Variants in ANKRD17 observed in about 807,000 individuals in gnomAD.
ANKRD17 encodes ankyrin repeat domain 17, also known as ankyrin repeat domain-containing protein 17.
In ANKRD17, 19 loss-of-function variants were observed where a neutral mutation model predicts 229.7. The ratio of observed to expected loss-of-function variants is 0.08; its 90% CI spans 0.06 to 0.12. The LOEUF is 0.12. Ranked by LOEUF, ANKRD17 falls within the 10% of genes least tolerant of loss-of-function variation. The pLI is 1.00. For missense variants in ANKRD17, 2,176 were observed against 3,176.8 expected, an observed-to-expected ratio of 0.68 and a Z score of 7.57; for synonymous variants, 1,112 against 1,146.1, an observed-to-expected ratio of 0.97 and a Z score of 0.60.
intron 18 of ANKRD17, 117 bp downstream of exon 18, chr4:73,124,796 G>C: frequency 7.9e-7 from 1 of 1,271,394 alleles, no homozygotes; most frequent in Non-Finnish European, 1.1e-6. Context: ...AATAGTTTCA[G>C]TTATTGTGAG....
At position 73,129,417 on chromosome 4, in the gene ANKRD17, T is replaced by A. The variant is rs1359503471; in HGVS notation, c.3235-4105A>T. Among the ~76,000 whole-genome samples the A allele has an allele frequency of 2.0e-5, 3 of 152,088 alleles. No individual in the cohort carries two copies. In the East Asian group the frequency reaches 5.8e-4, roughly 29 times the overall value. On this transcript the variant is annotated intron_variant, in intron 16 of 33. Coordinates refer to ENST00000358602, the MANE Select transcript of ANKRD17 (RefSeq NM_032217.5). ...ATTCAGGTGAAAAAGCACTGAACTG[T>A]GTGAAGTGTCTTTAAAAAAGGAAAT...
At chr4:73,130,634 T>C (rs1728076719) in intron 16 of ANKRD17, among the ~76,000 whole-genome samples, 2 of 151,212 alleles carry the variant, frequency 1.3e-5, no homozygotes, top group African/African-American at 2.4e-5. Context: ...AGTTTTGAGA[T>C]GTACTAGAAT....
chr4:73,228,626 T>C (rs1742743468), intron 1 of ANKRD17, among the ~76,000 whole-genome samples: 1 of 152,236 alleles, frequency 6.6e-6, no homozygotes, highest in Admixed American at 6.5e-5. Flanking sequence ...CTATTATGCA[T>C]ACTTTCTGTA....
rs143582632 is a variant in ANKRD17 at position 73,258,502 on chromosome 4, C to T, written c.167G>A (p.Arg56Gln). The change falls in exon 1 of 34, where the codon CGA (arginine) becomes CAA (glutamine). Residue 56 changes from arginine (R) to glutamine (Q), a missense_variant. Transcript: ENST00000358602. The part of the protein sequence containing the change: ...RSASSPRGMV[R>Q]VCDLLLKKKP... ...CTTCTTCAGGAGCAGGTCGCAGACT[C>T]GCACCATCCCACGAGGAGACGAGGC... 51 of 1,559,442 alleles carry T rather than the reference C, an allele frequency of 3.3e-5. No individual in the cohort carries two copies. Among genetic ancestry groups the T allele is most frequent in the Non-Finnish European group, 5.2e-6 (6 of 1,154,746 alleles).
chr4:73,204,358 CA>C lies in ANKRD17; in HGVS notation c.394-26826del, dbSNP rs374000000. ...CCTGGGCGACAAAGTGAGACTCCGTCAAAAAAAAAAAAAAAAAAAAAGAAAA... is the reference window on the plus strand; with the variant it reads ...CCTGGGCGACAAAGTGAGACTCCGTCAAAAAAAAAAAAAAAAAAAAGAAAA... On this transcript the variant is annotated intron_variant, in intron 1 of 33. Coordinates refer to ENST00000358602, the MANE Select transcript of ANKRD17 (RefSeq NM_032217.5). 1.7e-3 allele frequency among the ~76,000 whole-genome samples: 100 copies of C among 59,154 alleles called. 1 individual carries two copies. Among genetic ancestry groups the C allele is most frequent in the South Asian group, 0.013 (18 of 1,360 alleles). The allele number at this position is 59,154 out of a possible 152,430, so 38.8% of individuals were successfully genotyped here.
Position 73,098,196 on chromosome 4 carries a change from C to T in ANKRD17, c.4898G>A (p.Arg1633His), listed in dbSNP as rs746356125. Reference protein sequence around the residue: ...SDESSNSNSSRKSDNHSPAVV... With the variant: ...SDESSNSNSSHKSDNHSPAVV... ...AGCTGGTGAATGATTGTCACTCTTA[C>T]GACTGCTGTTGCTGTTACTACTTTC... The change falls in exon 26 of 34, where the codon CGT (arginine) becomes CAT (histidine). Residue 1633 changes from arginine to histidine, a missense_variant. Transcript: ENST00000358602. 1.2e-6 allele frequency: 2 copies of T among 1,614,190 alleles called. No individual in the cohort carries two copies. The highest frequency in any genetic ancestry group is 1.7e-5 in the Admixed American group (1 of 60,016).
Position 73,161,242 on chromosome 4 carries a change from T to C in ANKRD17, c.654A>G (p.Ala218=), listed in dbSNP as rs772336253. ...VSCALDEAAA[A]LTRMRAESTA... The stretch of plus-strand genomic sequence containing the variant: ...TGCTTTCAGCTCTCATACGGGTAAG[T>C]GCAGCAGCAGCTTCATCCAACGCAC... Residue 218 remains alanine, a synonymous_variant, in exon 3 of 34, where the codon GCA becomes GCG. Transcript: ENST00000358602. 1.1e-5 allele frequency: 17 copies of C among 1,614,242 alleles called. No individual in the cohort carries two copies. The highest frequency in any genetic ancestry group is 1.4e-5 in the Non-Finnish European group (16 of 1,180,052).
chr4:73,111,388 G>A (rs1302498771), intron 24 of ANKRD17, among the ~76,000 whole-genome samples: 2 of 152,084 alleles, frequency 1.3e-5, no homozygotes, highest in East Asian at 3.9e-4. Flanking sequence ...CCAGACAAAA[G>A]GAGGATTCAT....
At chr4:73,188,504 G>C (rs1356927097) in intron 1 of ANKRD17, among the ~76,000 whole-genome samples, 1 of 152,058 alleles carries the variant, frequency 6.6e-6, no homozygotes, top group African/African-American at 2.4e-5. Context: ...AGAATTGCTT[G>C]AACCCGGGAG....
chr4:73,154,883 T>C (rs1399393973), intron 5 of ANKRD17, among the ~76,000 whole-genome samples: 2 of 150,964 alleles, frequency 1.3e-5, no homozygotes, highest in African/African-American at 4.9e-5. Context: ...CTACTAAAAA[T>C]ACAAAAAATT....
Position 73,140,214 on chromosome 4 carries a change from T to A in ANKRD17, c.2402A>T (p.Asn801Ile). ...TTCTACAATGCTCTCTGGAGACTGA[T>A]TGGTGATGTAACCCTGTACATCCTG... ...NSQDVQGYIT[N>I]QSPESIVEEA... The change falls in exon 15 of 34, where the codon AAT becomes ATT. Residue 801 changes from asparagine to isoleucine, a missense_variant. Transcript: ENST00000358602. 6.2e-7 allele frequency: 1 copy of A among 1,613,754 alleles called. No individual in the cohort carries two copies.
intron 1 of ANKRD17, among the ~76,000 whole-genome samples, chr4:73,230,625 T>TA (rs1742951612): frequency 6.6e-6 from 1 of 152,186 alleles, no homozygotes; most frequent in Admixed American, 6.5e-5. Context: ...ATCCAACTAA[T>TA]AAATGAAATC....
At chr4:73,251,704 T>C (rs1171848604) in intron 1 of ANKRD17, among the ~76,000 whole-genome samples, 1 of 152,182 alleles carries the variant, frequency 6.6e-6, no homozygotes, top group African/African-American at 2.4e-5. Context: ...GGAAAAATTA[T>C]GAAGGTCCTC....
Position 73,154,073 on chromosome 4 carries a change from T to C in ANKRD17, c.1041A>G (p.Val347=). ...ALTYACAGGY[V]DVVKVLLESG... is the part of the protein sequence containing the mutation. ...ATTCCAAGAGCACCTTTACAACATCTACATAGCCTCCAGCACAAGCATATG... is the reference window on the plus strand; with the variant it reads ...ATTCCAAGAGCACCTTTACAACATCCACATAGCCTCCAGCACAAGCATATG... Residue 347 remains valine (V), a synonymous_variant, in exon 6 of 34, where the codon GTA becomes GTG. Coordinates refer to ENST00000358602, the MANE Select transcript of ANKRD17 (RefSeq NM_032217.5). The C allele has an allele frequency of 6.2e-7, 1 of 1,610,182 alleles. No individual in the cohort carries two copies. Among genetic ancestry groups the C allele is most frequent in the Non-Finnish European group, 8.5e-7 (1 of 1,178,446 alleles).
chr4:73,169,984 G>C (rs968018256), intron 2 of ANKRD17, among the ~76,000 whole-genome samples: 1 of 152,166 alleles, frequency 6.6e-6, no homozygotes, highest in Non-Finnish European at 1.5e-5. Context: ...AAGTGAAGCT[G>C]AGGGGCAGTC....
At chr4:73,218,675 C>A (rs1472991249) in intron 1 of ANKRD17, among the ~76,000 whole-genome samples, 4 of 150,468 alleles carry the variant, frequency 2.7e-5, no homozygotes, top group Non-Finnish European at 4.4e-5. Flanking sequence ...ATACCAATGG[C>A]AGACATTTCT....
Position 73,091,117 on chromosome 4 carries a change from G to C in ANKRD17, c.6511C>G (p.Pro2171Ala), listed in dbSNP as rs1560503237. The C allele has an allele frequency of 1.2e-6, 2 of 1,614,164 alleles. No homozygotes were observed. Among genetic ancestry groups the C allele is most frequent in the Non-Finnish European group, 1.7e-6 (2 of 1,180,028 alleles). ...CTAATAGCAGGGGTTTCCATTTTAG[G>C]AGTAGGCTGGGGGCATCCCATTGGT... ...QTPMGCPQPT[P>A]KMETPAIRPP... is the part of the protein sequence containing the mutation. Residue 2171 changes from proline to alanine, a missense_variant, in exon 29 of 34, where the codon CCT (proline) becomes GCT (alanine). Physicochemically the swap from Pro to Ala is conservative, Grantham distance 27 (BLOSUM62 -1). Around this residue, in one of 18 missense-constraint regions of ANKRD17, gnomAD observed 424 missense variants for 454.0 expected, o/e 0.93. Transcript: ENST00000358602.
chr4:73,193,794 C>T (rs907199897), intron 1 of ANKRD17, among the ~76,000 whole-genome samples: 2 of 152,026 alleles, frequency 1.3e-5, no homozygotes, highest in East Asian at 1.9e-4. Flanking sequence ...ACTAGCCAGG[C>T]GTGGTGGTGC....
chr4:73,211,307 G>GTAA (rs894008085), intron 1 of ANKRD17, among the ~76,000 whole-genome samples: 2 of 152,042 alleles, frequency 1.3e-5, no homozygotes, highest in African/African-American at 4.8e-5. Flanking sequence ...GACAACATGG[G>GTAA]TAATAACAGG....
Sources: gnomAD v4.1 joint callset for allele counts (sites outside exome capture counted in the v4.1 genomes callset) on GRCh38, gnomAD v4.1.1 for gene constraint, gnomAD v4.1.1 regional missense constraint, MANE v1.5 for transcripts, NCBI Gene and HGNC (gene_info 2026-07-23, HGNC 2026-07-21) for gene names.